SLC7A11: variants seen among roughly 807,000 people sequenced by gnomAD.
SLC7A11 encodes solute carrier family 7 member 11, also known as cystine/glutamate transporter.
In SLC7A11, 35 loss-of-function variants were observed where a neutral mutation model predicts 54.5. The observed-to-expected ratio is 0.64, with a 90% CI of 0.49 to 0.85. The LOEUF (loss-of-function observed/expected upper bound fraction) is 0.85, where lower values mean the gene tolerates loss of function less well. Ranked by LOEUF, SLC7A11 falls within the 40% of genes least tolerant of loss-of-function variation. SLC7A11 has a pLI of 0.00. For missense variants in SLC7A11, 583 were observed against 618.1 expected (o/e 0.94, Z 0.60); for synonymous variants, 230 against 225.2 (o/e 1.02, Z -0.19).
chr4:138,224,836 AAGG>A (rs1345335212), intron 3 of SLC7A11, among the ~76,000 whole-genome samples: 1 of 151,162 alleles, frequency 6.6e-6, no homozygotes, highest in Non-Finnish European at 1.5e-5. Context: ...GGAAGGAAGG[AAGG>A]AAGGAAGGAA....
intron 6 of SLC7A11, among the ~76,000 whole-genome samples, chr4:138,190,349 C>T (rs1422177935): frequency 6.6e-6 from 1 of 152,090 alleles, no homozygotes; most frequent in East Asian, 1.9e-4. Flanking sequence ...TATTTCTTTA[C>T]ATACAATTGA....
rs944259412 is a variant in SLC7A11 at position 138,224,815 on chromosome 4, A to AAAAGAAGGAAGG, written c.521-1492_521-1491insCCTTCCTTCTTT. Among the ~76,000 whole-genome samples the AAAAGAAGGAAGG allele has an allele frequency of 6.1e-3, 833 of 135,944 alleles. 12 individuals carry two copies. The highest frequency in any genetic ancestry group is 0.035 in the East Asian group (165 of 4,768). The allele number at this position is 135,944 out of a possible 152,430, so 89.2% of individuals were successfully genotyped here. A position where few individuals can be genotyped will look rare whatever the true frequency, so the allele number is the denominator to read the frequency against. On this transcript the variant is annotated intron_variant, in intron 3 of 11. Coordinates refer to ENST00000280612, the MANE Select transcript of SLC7A11 (RefSeq NM_014331.4). ...GAAGGAAAAGAAGGAAGGAAGGATGAAAGGAAGGAAGGAAGGAAGGAAGGA... is the reference window on the plus strand; with the variant it reads ...GAAGGAAAAGAAGGAAGGAAGGATGAAAAGAAGGAAGGAAGGAAGGAAGGAAGGAAGGAAGGA...
At chr4:138,180,601 A>C in intron 10 of SLC7A11, 40 bp downstream of exon 10, 1 of 1,601,304 alleles carries the variant, frequency 6.2e-7, no homozygotes, top group Non-Finnish European at 8.5e-7. Flanking sequence ...AGGTATTAGG[A>C]GAGAGATTTA....
rs752680028 is a variant in SLC7A11, at chr4:138,170,271, T to TATATATATATATATATATAC, written c.*1684_*1685insGTATATATATATATATATAT. 5.8e-5 allele frequency: 5 copies of TATATATATATATATATATAC among 86,246 alleles called. No homozygotes were observed. Among genetic ancestry groups the TATATATATATATATATATAC allele is most frequent in the African/African-American group, 1.7e-4 (4 of 23,792 alleles). 5.3% of individuals were successfully genotyped at this position (86,246 alleles called of 1,614,324 possible). Reference sequence around the variant, plus strand: ...GTGTGTATATATATATATATATATATACACACACACACACACACACACATA... The same window carrying TATATATATATATATATATAC: ...GTGTGTATATATATATATATATATATATATATATATATATATATACACACACACACACACACACACACATA... On this transcript the variant is annotated 3_prime_UTR_variant, in exon 12 of 12. Transcript: ENST00000280612.
rs10659044 is a variant in SLC7A11 at position 138,206,381 on chromosome 4, TTATA to T, written c.791+8200_791+8203del. Among the ~76,000 whole-genome samples the T allele has an allele frequency of 1.9e-4, 27 of 145,184 alleles. No individual in the cohort carries two copies. The East Asian group carries it at 2.0e-3, about 11-fold the overall frequency. On this transcript the variant is annotated intron_variant, in intron 6 of 11. Transcript: ENST00000280612. ...CTCAAAATATAAAACTCAATGAGAT[TTATA>T]TATATATATATATATAGCCTCAAAA...
At chr4:138,197,061 G>C (rs932637678) in intron 6 of SLC7A11, among the ~76,000 whole-genome samples, 11 of 152,168 alleles carry the variant, frequency 7.2e-5, no homozygotes, top group African/African-American at 2.4e-4. Context: ...AAAGAAGAAA[G>C]ATGTCAAGAA....
At position 138,170,504 on chromosome 4, in the gene SLC7A11, T is replaced by TG. The variant is rs1412944914; in HGVS notation, c.*1451dup. 2 of 151,342 alleles carry TG rather than the reference T, an allele frequency of 1.3e-5. No individual in the cohort carries two copies. Among genetic ancestry groups the TG allele is most frequent in the Non-Finnish European group, 2.9e-5 (2 of 67,862 alleles). 9.4% of individuals were successfully genotyped at this position (151,342 alleles called of 1,614,324 possible). On this transcript the variant is annotated 3_prime_UTR_variant, in exon 12 of 12. Transcript: ENST00000280612. ...GCTAATTTTGTATTTTTAGTAGAGA[T>TG]GGGGTTTCTCCATGTTGGTCAGGCT...
intron 5 of SLC7A11, among the ~76,000 whole-genome samples, 197 bp downstream of exon 5, chr4:138,219,069 C>T (rs1737744631): frequency 6.6e-6 from 1 of 152,096 alleles, no homozygotes; most frequent in Admixed American, 6.6e-5. Flanking sequence ...GACTGGAAAC[C>T]TGTTATGTTT....
Position 138,172,009 on chromosome 4 carries a change from T to G in SLC7A11, c.1453A>C (p.Thr485Pro). The G allele has an allele frequency of 6.3e-7, 1 of 1,591,562 alleles. No individual in the cohort carries two copies. Among genetic ancestry groups the G allele is most frequent in the Non-Finnish European group, 8.5e-7 (1 of 1,171,950 alleles). Residue 485 changes from threonine to proline, a missense_variant, in exon 12 of 12, where the codon ACC becomes CCC. Transcript: ENST00000280612. ...RWFRIMSEKI[T>P]RTLQIILEVV... ...TCCAGTATTATTTGTAATGTTCTGGTTATTTTCTCTACAAAGAAATAAAAA... is the reference window on the plus strand; with the variant it reads ...TCCAGTATTATTTGTAATGTTCTGGGTATTTTCTCTACAAAGAAATAAAAA...
chr4:138,231,908 T>C (rs1023361931), intron 3 of SLC7A11, among the ~76,000 whole-genome samples: 1 of 152,200 alleles, frequency 6.6e-6, no homozygotes, highest in Non-Finnish European at 1.5e-5. Context: ...GGTAACTCCA[T>C]GATTACACAT....
At chr4:138,172,400 A>G (rs1736448958) in intron 11 of SLC7A11, among the ~76,000 whole-genome samples, 1 of 152,244 alleles carries the variant, frequency 6.6e-6, no homozygotes, top group Admixed American at 6.5e-5. Context: ...TCAGTTCCTC[A>G]GAAGAATCTG....
At chr4:138,228,705 G>T (rs1279094294) in intron 3 of SLC7A11, among the ~76,000 whole-genome samples, 1 of 138,404 alleles carries the variant, frequency 7.2e-6, no homozygotes, top group African/African-American at 2.8e-5. Flanking sequence ...CTTGCAGTGA[G>T]CCAAGATCAT....
In SLC7A11 at chr4:138,171,330, A is replaced by G. The variant is rs1736420384; in HGVS notation, c.*626T>C. On this transcript the variant is annotated 3_prime_UTR_variant, in exon 12 of 12. Coordinates refer to ENST00000280612, the MANE Select transcript of SLC7A11 (RefSeq NM_014331.4). ...TAAACATAACTCCTGGATGTGTCTC[A>G]TAAACAGTAGCCCCTAGAAACTCTT... 1 of 152,160 alleles carries G rather than the reference A, an allele frequency of 6.6e-6. No homozygotes were observed. Among genetic ancestry groups the G allele is most frequent in the Non-Finnish European group, 1.5e-5 (1 of 68,000 alleles). The allele number at this position is 152,160 out of a possible 1,614,324, so 9.4% of individuals were successfully genotyped here. A position where few individuals can be genotyped will look rare whatever the true frequency, so the allele number is the denominator to read the frequency against.
intron 6 of SLC7A11, among the ~76,000 whole-genome samples, chr4:138,202,041 T>C (rs1456505438): frequency 6.6e-6 from 1 of 152,146 alleles, no homozygotes; most frequent in South Asian, 2.1e-4. Context: ...TCTCATATAA[T>C]TGCATCTATG....
At chr4:138,237,737 ATTTTTTTTTTTTTTTTT>A (rs1169641615) in intron 1 of SLC7A11, among the ~76,000 whole-genome samples, 51 of 9,814 alleles carry the variant, frequency 5.2e-3, no homozygotes, top group Non-Finnish European at 5.7e-3. Context: ...ATATATATAT[ATTTTTTTTTTTTTTTTT>A]TTTTTTTTTT....
In SLC7A11 at chr4:138,180,654, T is replaced by G. The variant is rs1232265353; in HGVS notation, c.1253A>C (p.His418Pro). 1 of 1,612,804 alleles carries G rather than the reference T, an allele frequency of 6.2e-7. No individual in the cohort carries two copies. Among genetic ancestry groups the G allele is most frequent in the African/African-American group, 1.3e-5 (1 of 74,840 alleles). Residue 418 changes from histidine (H) to proline (P), a missense_variant, in exon 10 of 12, where the codon CAT (histidine) becomes CCT (proline). Coordinates refer to ENST00000280612, the MANE Select transcript of SLC7A11 (RefSeq NM_014331.4). ...TGCTGAGGTTACCTTGAAAGGACGATGCATATCTGGGCATTTGTATCGAAG... is the reference window on the plus strand; with the variant it reads ...TGCTGAGGTTACCTTGAAAGGACGAGGCATATCTGGGCATTTGTATCGAAG... ...IYLRYKCPDMHRPFKVPLFIP... is the reference protein window; with the variant it reads ...IYLRYKCPDMPRPFKVPLFIP...
intron 5 of SLC7A11, among the ~76,000 whole-genome samples, chr4:138,215,181 T>C (rs1035829695): frequency 2.0e-5 from 3 of 152,096 alleles, no homozygotes; most frequent in African/African-American, 7.2e-5. Context: ...GAGCCAAACA[T>C]ATGAAGGCAA....
At chr4:138,198,576 A>G (rs1578646663) in intron 6 of SLC7A11, among the ~76,000 whole-genome samples, 1 of 152,186 alleles carries the variant, frequency 6.6e-6, no homozygotes, top group African/African-American at 2.4e-5. Context: ...ATTCTTAGCT[A>G]TTGCTATTGG....
chr4:138,241,936 G>A lies in SLC7A11; in HGVS notation c.134C>T (p.Thr45Ile), dbSNP rs1348969634. ...QEKVQLKRKVTLLRGVSIIIG... is the reference protein window; with the variant it reads ...QEKVQLKRKVILLRGVSIIIG... ...GATAATGGAGACTCCCCTCAGTAAA[G>A]TGACTTTCCTCTTCAGCTGCACTTT... Residue 45 changes from threonine (T) to isoleucine (I), a missense_variant, in exon 1 of 12, where the codon ACT becomes ATT. Transcript: ENST00000280612. 4 of 1,613,978 alleles carry A rather than the reference G, an allele frequency of 2.5e-6. No individual in the cohort carries two copies. Among genetic ancestry groups the A allele is most frequent in the Admixed American group, 1.7e-5 (1 of 59,998 alleles).
Sources: allele counts gnomAD v4.1 joint callset (sites outside exome capture counted in the v4.1 genomes callset), GRCh38; gene constraint gnomAD v4.1.1; transcripts MANE v1.5; gene names NCBI Gene and HGNC (gene_info 2026-07-23, HGNC 2026-07-21).